Variants in BNC2 observed in about 807,000 individuals in gnomAD.
BNC2 encodes the protein zinc finger protein basonuclin-2.
BNC2 carries 20 observed loss-of-function variants against 76.3 expected under a neutral mutation model. The ratio of observed to expected loss-of-function variants is 0.26; its 90% confidence interval spans 0.18 to 0.38. BNC2 has a LOEUF of 0.38. Ranked by LOEUF, BNC2 falls within the 10% of genes least tolerant of loss-of-function variation. The pLI is 1.00. For synonymous variants in BNC2, 582 were observed against 514.8 expected (o/e 1.13, Z -1.77); for missense variants, 1,382 against 1,399.8 (o/e 0.99, Z 0.20).
At chr9:16,762,883 G>T (rs920003656) in intron 1 of BNC2, among the ~76,000 whole-genome samples, 1 of 152,152 alleles carries the variant, frequency 6.6e-6, no homozygotes, top group African/African-American at 2.4e-5. Flanking sequence ...CTTACTTAAA[G>T]TGCTTTAATG....
At chr9:16,558,551 T>C (rs1818908531) in intron 4 of BNC2, among the ~76,000 whole-genome samples, 1 of 152,202 alleles carries the variant, frequency 6.6e-6, no homozygotes, top group Non-Finnish European at 1.5e-5. Flanking sequence ...ATTTTCTCAC[T>C]GTCTACTTGA....
intron 3 of BNC2, among the ~76,000 whole-genome samples, chr9:16,660,335 T>C: frequency 6.6e-6 from 1 of 151,820 alleles, no homozygotes; most frequent in Non-Finnish European, 1.5e-5. Context: ...ACGCCTGTAA[T>C]CCCAGCTACT....
chr9:16,727,378 T>G (rs1160871680), intron 3 of BNC2: 2 of 191,136 alleles, frequency 1.0e-5, no homozygotes, highest in East Asian at 1.4e-4. Flanking sequence ...GCCCCGAGAT[T>G]TGATGACTGT....
At chr9:16,774,286 A>G (rs58479917) in intron 1 of BNC2, among the ~76,000 whole-genome samples, 3,320 of 152,262 alleles carry the variant, frequency 0.022, 132 homozygotes, top group African/African-American at 0.076. Context: ...TCCGGCCTAA[A>G]TTGCCAGTAT....
chr9:16,440,840 A>C (rs1333292968), intron 5 of BNC2, among the ~76,000 whole-genome samples: 3 of 152,224 alleles, frequency 2.0e-5, no homozygotes, highest in East Asian at 3.8e-4. Flanking sequence ...GGTAAGTATG[A>C]TTTAGAACTT....
Position 16,410,884 on chromosome 9 carries a change from G to T in BNC2, c.*8105C>A, listed in dbSNP as rs75389628. The T allele has an allele frequency of 0.13, 19,045 of 152,198 alleles. 1,705 individuals carry two copies. The highest frequency in any genetic ancestry group is 0.25 in the African/African-American group (10,497 of 41,470). 9.4% of individuals were successfully genotyped at this position (152,198 alleles called of 1,614,324 possible). ...ATTTAAAAAAAGAAACAGCCTTGGT[G>T]TATACATCTCAAGTGAACCTATTAA... On this transcript the variant is annotated 3_prime_UTR_variant, in exon 7 of 7. Transcript: ENST00000380672.
intron 2 of BNC2, among the ~76,000 whole-genome samples, chr9:16,736,443 A>G (rs1824670731): frequency 4.8e-5 from 1 of 20,662 alleles, no homozygotes; most frequent in Non-Finnish European, 1.1e-4. Context: ...AACAGAGACT[A>G]TTTATTATTA....
At chr9:16,591,051 C>G (rs1819917065) in intron 3 of BNC2, among the ~76,000 whole-genome samples, 1 of 152,112 alleles carries the variant, frequency 6.6e-6, no homozygotes, top group Non-Finnish European at 1.5e-5. Context: ...AACATTGCCA[C>G]AAAGACTAAA....
chr9:16,482,634 C>T (rs897933896), intron 5 of BNC2, among the ~76,000 whole-genome samples: 2 of 151,886 alleles, frequency 1.3e-5, no homozygotes, highest in African/African-American at 4.9e-5. Flanking sequence ...ACTTTCCAAC[C>T]CCACAGCCGG....
rs562910301 is a variant in BNC2, at chr9:16,601,135, G to A, written c.331-18050C>T. ...GAACCAAATGTCTCCACTTCCTTCA[G>A]CAAAAGAAAACTCTTACCTATTAAA... is the stretch of plus-strand genomic sequence containing the variant. On this transcript the variant is annotated intron_variant, in intron 3 of 6. Transcript: ENST00000380672. Among the ~76,000 whole-genome samples, 33 of 152,218 alleles carry A rather than the reference G, an allele frequency of 2.2e-4. 1 individual carries two copies. The highest frequency in any genetic ancestry group is 7.9e-4 in the African/African-American group (33 of 41,546).
At chr9:16,672,426 G>A (rs1404229725) in intron 3 of BNC2, among the ~76,000 whole-genome samples, 3 of 152,138 alleles carry the variant, frequency 2.0e-5, no homozygotes, top group Non-Finnish European at 2.9e-5. Context: ...GAACCCGGGA[G>A]GCAGAGTTTG....
At chr9:16,527,155 T>C (rs1301558231) in intron 5 of BNC2, among the ~76,000 whole-genome samples, 2 of 152,224 alleles carry the variant, frequency 1.3e-5, no homozygotes, top group Non-Finnish European at 2.9e-5. Context: ...AGTTCACATC[T>C]TCCGCATGAT....
chr9:16,782,697 C>A (rs890038700), intron 1 of BNC2, among the ~76,000 whole-genome samples: 1 of 152,136 alleles, frequency 6.6e-6, no homozygotes, highest in Admixed American at 6.6e-5. Context: ...GGGTTCCACA[C>A]CATTTATCAT....
At chr9:16,458,373 C>G (rs1284886648) in intron 5 of BNC2, among the ~76,000 whole-genome samples, 2 of 152,176 alleles carry the variant, frequency 1.3e-5, no homozygotes, top group Non-Finnish European at 2.9e-5. Context: ...TCAACATTTA[C>G]TTCTAAAATT....
chr9:16,424,825 T>G (rs1479207608), intron 6 of BNC2, among the ~76,000 whole-genome samples: 2 of 152,348 alleles, frequency 1.3e-5, no homozygotes, highest in East Asian at 3.9e-4. Context: ...AGTCCTTTTC[T>G]TATCTGGATT....
intron 3 of BNC2, among the ~76,000 whole-genome samples, chr9:16,707,172 A>C (rs1401571373): frequency 1.3e-5 from 2 of 151,822 alleles, no homozygotes; most frequent in Non-Finnish European, 2.9e-5. Flanking sequence ...ACTGCACTCC[A>C]GCCTGGGCAA....
At chr9:16,562,153 T>A (rs1231536079) in intron 4 of BNC2, among the ~76,000 whole-genome samples, 2 of 152,210 alleles carry the variant, frequency 1.3e-5, no homozygotes, top group Non-Finnish European at 2.9e-5. Context: ...TGGGCAATGA[T>A]AATGAACTCT....
intron 1 of BNC2, among the ~76,000 whole-genome samples, chr9:16,739,697 A>C (rs1230377834): frequency 6.6e-6 from 1 of 152,198 alleles, no homozygotes; most frequent in East Asian, 1.9e-4. Context: ...TAATCTGGGT[A>C]AATTACTGGC....
chr9:16,668,159 G>T (rs1822357108), intron 3 of BNC2, among the ~76,000 whole-genome samples: 1 of 152,150 alleles, frequency 6.6e-6, no homozygotes, highest in African/African-American at 2.4e-5. Context: ...TTCTTCTAAA[G>T]GAAGGAGACC....
Sources: gnomAD v4.1 joint callset for allele counts (sites outside exome capture counted in the v4.1 genomes callset) on GRCh38, gnomAD v4.1.1 for gene constraint, MANE v1.5 for transcripts, NCBI Gene and HGNC (gene_info 2026-07-23, HGNC 2026-07-21) for gene names.